Variants in RAB3IP observed in about 807,000 individuals in gnomAD.
The protein encoded by RAB3IP is RAB3A interacting protein, also known as rab-3A-interacting protein.
A neutral mutation model predicts 59.1 loss-of-function variants in RAB3IP; 36 were observed. The ratio of observed to expected loss-of-function variants is 0.61; its 90% CI spans 0.47 to 0.80. The LOEUF is 0.80. Among genes scored for constraint, RAB3IP ranks in the 30% least tolerant of loss-of-function variants. RAB3IP has a pLI of 0.00. For missense variants in RAB3IP, 511 were observed against 536.0 expected, an observed-to-expected ratio of 0.95 and a Z score of 0.46; for synonymous variants, 207 against 191.2, an observed-to-expected ratio of 1.08 and a Z score of -0.68.
intron 3 of RAB3IP, among the ~76,000 whole-genome samples, chr12:69,770,068 G>A (rs551625829): frequency 1.3e-5 from 2 of 151,710 alleles, no homozygotes; most frequent in South Asian, 4.2e-4. Flanking sequence ...AAAAGTCTAT[G>A]TCTTCATCAG....
At chr12:69,767,673 A>G (rs1012909296) in intron 3 of RAB3IP, among the ~76,000 whole-genome samples, 2 of 152,212 alleles carry the variant, frequency 1.3e-5, no homozygotes, top group Admixed American at 1.3e-4. Context: ...CGTGGAGCAG[A>G]GAGGACCCCC....
intron 1 of RAB3IP, among the ~76,000 whole-genome samples, chr12:69,743,842 A>G (rs1365430572): frequency 8.5e-6 from 1 of 117,012 alleles, no homozygotes; most frequent in African/African-American, 3.7e-5. Flanking sequence ...CCGCTTTGCT[A>G]TTCATTCCTT....
chr12:69,821,160 C>G lies in RAB3IP; in HGVS notation c.*5714C>G, dbSNP rs910159581. The G allele has an allele frequency of 2.0e-5, 3 of 152,238 alleles. No homozygotes were observed. Among genetic ancestry groups the G allele is most frequent in the Non-Finnish European group, 2.9e-5 (2 of 68,142 alleles). 9.4% of individuals were successfully genotyped at this position (152,238 alleles called of 1,614,324 possible). On this transcript the variant is annotated 3_prime_UTR_variant, in exon 11 of 11. Coordinates refer to ENST00000247833, the MANE Select transcript of RAB3IP (RefSeq NM_022456.5). Reference sequence around the variant, plus strand: ...GACAGTCTCGAGGGATACAGGGCCCCCATCACCACATCCCCAGATTTAACC... The same window carrying G: ...GACAGTCTCGAGGGATACAGGGCCCGCATCACCACATCCCCAGATTTAACC...
intron 1 of RAB3IP, among the ~76,000 whole-genome samples, chr12:69,747,329 T>A (rs776413553): frequency 5.4e-3 from 493 of 91,940 alleles, no homozygotes; most frequent in Middle Eastern, 7.6e-3. Context: ...TGTGTGTGTG[T>A]GTGAGAGAGA....
At chr12:69,756,274 C>A in intron 2 of RAB3IP, 131 bp from the exon 3 acceptor site, 2 of 868,930 alleles carry the variant, frequency 2.3e-6, no homozygotes, top group Non-Finnish European at 3.6e-6. Flanking sequence ...GCTGATATGA[C>A]TGAGGACATA....
At chr12:69,781,743 T>G (rs1874758393) in intron 3 of RAB3IP, among the ~76,000 whole-genome samples, 1 of 152,236 alleles carries the variant, frequency 6.6e-6, no homozygotes, top group Non-Finnish European at 1.5e-5. Context: ...TTTCACTGTC[T>G]GGATGTACCA....
chr12:69,806,570 G>GTTTTTTTTTTTTTTTTTTTTTTTTTGTT (rs35262716), intron 8 of RAB3IP, among the ~76,000 whole-genome samples: 1 of 68,488 alleles, frequency 1.5e-5, no homozygotes, highest in Admixed American at 1.8e-4. Context: ...TGCTTCTCTA[G>GTTTTTTTTTTTTTTTTTTTTTTTTTGTT]TTTTTTTTTT....
At chr12:69,807,421 G>GAT (rs1359778734) in intron 8 of RAB3IP, among the ~76,000 whole-genome samples, 1 of 146,242 alleles carries the variant, frequency 6.8e-6, no homozygotes. Context: ...CCTCCCAGAC[G>GAT]GGGCGGCCGG....
chr12:69,791,373 A>G (rs192481942), intron 4 of RAB3IP, among the ~76,000 whole-genome samples: 1 of 152,310 alleles, frequency 6.6e-6, no homozygotes, highest in East Asian at 1.9e-4. Context: ...CCAGCAAAAA[A>G]CAGTCAACAA....
At chr12:69,748,251 A>AG (rs1855345747) in intron 1 of RAB3IP, among the ~76,000 whole-genome samples, 1 of 152,130 alleles carries the variant, frequency 6.6e-6, no homozygotes, top group South Asian at 2.1e-4. Flanking sequence ...CATGTTCTTC[A>AG]GATGTTTCAT....
rs191047089 is a variant in RAB3IP at position 69,795,072 on chromosome 12, T to A, written c.685-69T>A. 1.3e-3 allele frequency: 1,420 copies of A among 1,103,564 alleles called. 7 individuals carry two copies. Among genetic ancestry groups the A allele is most frequent in the Non-Finnish European group, 1.6e-3 (1,177 of 748,710 alleles). The allele number at this position is 1,103,564 out of a possible 1,614,324, so 68.4% of individuals were successfully genotyped here. On this transcript the variant is annotated intron_variant, in intron 5 of 10. Transcript: ENST00000247833. The stretch of plus-strand genomic sequence containing the variant: ...ATCTTTGAAAGTGTTTTGACCAGAT[T>A]GCTAATATTTAGCTGCATATGTCAT...
chr12:69,785,268 G>C (rs2136206176), intron 4 of RAB3IP, among the ~76,000 whole-genome samples: 1 of 152,272 alleles, frequency 6.6e-6, no homozygotes, highest in African/African-American at 2.4e-5. Context: ...TACCTAACTG[G>C]AGCAGTGTTT....
intron 3 of RAB3IP, among the ~76,000 whole-genome samples, chr12:69,760,897 G>A (rs1799029969): frequency 6.6e-6 from 1 of 152,088 alleles, no homozygotes; most frequent in African/African-American, 2.4e-5. Flanking sequence ...GCTTTCTTAT[G>A]TTTGGGATTT....
At chr12:69,800,388 C>A (rs371863401) in intron 7 of RAB3IP, 51 bp downstream of exon 7, 2 of 1,113,580 alleles carry the variant, frequency 1.8e-6, no homozygotes, top group Non-Finnish European at 2.5e-6. Context: ...TTCTGTACTT[C>A]TTTTAAACTA....
At chr12:69,770,010 A>G (rs1872841101) in intron 3 of RAB3IP, among the ~76,000 whole-genome samples, 1 of 152,226 alleles carries the variant, frequency 6.6e-6, no homozygotes, top group Admixed American at 6.5e-5. Context: ...TCTCACTGTG[A>G]TATGACATCA....
intron 3 of RAB3IP, among the ~76,000 whole-genome samples, chr12:69,768,364 G>A (rs572233309): frequency 4.6e-5 from 7 of 152,278 alleles, no homozygotes; most frequent in Non-Finnish European, 8.8e-5. Context: ...GAGCTCTGCT[G>A]CACCACAATC....
chr12:69,802,915 G>A (rs1273380363), intron 8 of RAB3IP, among the ~76,000 whole-genome samples: 1 of 152,120 alleles, frequency 6.6e-6, no homozygotes, highest in South Asian at 2.1e-4. Context: ...GGTGGCCTCT[G>A]AATTTTAGGG....
chr12:69,766,436 C>T (rs2136159704), intron 3 of RAB3IP, among the ~76,000 whole-genome samples: 1 of 152,062 alleles, frequency 6.6e-6, no homozygotes, highest in South Asian at 2.1e-4. Context: ...TCTGTTCGGT[C>T]CCATCTGTTG....
intron 1 of RAB3IP, among the ~76,000 whole-genome samples, chr12:69,749,665 C>T (rs1868912975): frequency 6.6e-6 from 1 of 152,076 alleles, no homozygotes; most frequent in Non-Finnish European, 1.5e-5. Flanking sequence ...TCTGGAAAGC[C>T]CTTACAAAGG....
Sources: allele counts gnomAD v4.1 joint callset (sites outside exome capture counted in the v4.1 genomes callset), GRCh38; gene constraint gnomAD v4.1.1; transcripts MANE v1.5; gene names NCBI Gene and HGNC (gene_info 2026-07-23, HGNC 2026-07-21).